ACSM6: variants seen among roughly 807,000 people sequenced by gnomAD.
ACSM6 encodes acyl-coenzyme A synthetase ACSM6, mitochondrial.
ACSM6 carries 35 observed loss-of-function variants against 51.1 expected under a neutral mutation model. The ratio of observed to expected loss-of-function variants is 0.69; its 90% CI spans 0.52 to 0.91. The LOEUF (loss-of-function observed/expected upper bound fraction) is 0.91, where lower values mean the gene tolerates loss of function less well. ACSM6 is among the 40% of genes least tolerant of loss of function. The pLI is 0.00. For missense variants in ACSM6, 509 were observed against 584.1 expected (o/e 0.87, Z 1.32); for synonymous variants, 172 against 207.3 (o/e 0.83, Z 1.46).
intron 8 of ACSM6, among the ~76,000 whole-genome samples, chr10:95,218,161 T>C (rs910530239): frequency 6.6e-6 from 1 of 152,222 alleles, no homozygotes; most frequent in East Asian, 1.9e-4. Context: ...ACATCTGAAA[T>C]AAGGCAAGGT....
chr10:95,213,653 C>T (rs1463563607), intron 7 of ACSM6, among the ~76,000 whole-genome samples: 1 of 152,122 alleles, frequency 6.6e-6, no homozygotes, highest in Non-Finnish European at 1.5e-5. Context: ...TTCTAAGCTG[C>T]TGAAATGAGC....
chr10:95,210,554 A>AT, intron 4 of ACSM6, 96 bp from the exon 5 acceptor site: 1 of 1,283,584 alleles, frequency 7.8e-7, no homozygotes, highest in Non-Finnish European at 1.1e-6. Context: ...ACCAGCTGTT[A>AT]TTTTTTAAAA....
chr10:95,204,701 C>G (rs7918803), intron 3 of ACSM6, among the ~76,000 whole-genome samples: 6,405 of 151,874 alleles, frequency 0.042, 487 homozygotes, highest in African/African-American at 0.15. Context: ...AAAATAAATT[C>G]AAATGAACCA....
Sources: gnomAD v4.1 joint callset for allele counts (sites outside exome capture counted in the v4.1 genomes callset) on GRCh38, gnomAD v4.1.1 for gene constraint, MANE v1.5 for transcripts, NCBI Gene and HGNC (gene_info 2026-07-23, HGNC 2026-07-21) for gene names.